The following ACOT13 variants were observed in gnomAD, a reference collection of about 807,000 sequenced individuals.
ACOT13 encodes acyl-coenzyme A thioesterase 13.
Under a neutral mutation model 11.8 loss-of-function variants are expected in ACOT13, and 10 were observed. The ratio of observed to expected loss-of-function variants is 0.85; its 90% CI spans 0.53 to 1.44. The LOEUF (loss-of-function observed/expected upper bound fraction) is 1.44. ACOT13 is among the 40% of genes most tolerant of loss of function. The pLI, the probability that ACOT13 is intolerant of heterozygous loss-of-function variation, is 0.00. For synonymous variants in ACOT13, 53 were observed against 61.0 expected (o/e 0.87, Z 0.61); for missense variants, 172 against 174.1 (o/e 0.99, Z 0.07).
intron 1 of ACOT13, chr6:24,687,606 G>A: frequency 6.8e-7 from 1 of 1,464,216 alleles, no homozygotes; most frequent in Non-Finnish European, 9.0e-7. Flanking sequence ...ACACTGGAGA[G>A]AAGCAGTAAA....
intron 2 of ACOT13, among the ~76,000 whole-genome samples, chr6:24,700,425 C>CTTTTTTTTT (rs34173572): frequency 1.9e-5 from 2 of 105,140 alleles, no homozygotes; most frequent in African/African-American, 8.0e-5. Flanking sequence ...TAAGATCCAC[C>CTTTTTTTTT]TTTTTTTTTT....
intron 2 of ACOT13, 75 bp downstream of exon 2, chr6:24,698,142 A>G (rs181894670): frequency 1.6e-6 from 2 of 1,275,786 alleles, no homozygotes; most frequent in Admixed American, 3.2e-5. Context: ...ACACATTTAT[A>G]TTATTAGTAA....
chr6:24,677,377 G>A (rs1778472521), intron 1 of ACOT13, among the ~76,000 whole-genome samples: 1 of 152,220 alleles, frequency 6.6e-6, no homozygotes, highest in Admixed American at 6.5e-5. Context: ...TTAGCAGTGA[G>A]TATGCCATTC....
In ACOT13 at chr6:24,702,398, A is replaced by G. The variant is rs1472724974; in HGVS notation, c.*783A>G. On this transcript the variant is annotated 3_prime_UTR_variant, in exon 3 of 3. Transcript: ENST00000230048. Reference sequence around the variant, plus strand: ...AGTGCTGGGATTACAGGTGTGAGCCAATGTGCCCAGCCTGGGTTCTCTTTT... The same window carrying G: ...AGTGCTGGGATTACAGGTGTGAGCCGATGTGCCCAGCCTGGGTTCTCTTTT... 6.6e-6 allele frequency: 1 copy of G among 152,152 alleles called. No homozygotes were observed. Among genetic ancestry groups the G allele is most frequent in the African/African-American group, 2.4e-5 (1 of 41,430 alleles). 9.4% of individuals were successfully genotyped at this position (152,152 alleles called of 1,614,324 possible). A position where few individuals can be genotyped will look rare whatever the true frequency, so the allele number is the denominator to read the frequency against.
In ACOT13 at chr6:24,702,235, C is replaced by CAA. The variant is rs1457344217; in HGVS notation, c.*621_*622dup. 6.6e-6 allele frequency: 1 copy of CAA among 152,546 alleles called. No homozygotes were observed. Among genetic ancestry groups the CAA allele is most frequent in the Non-Finnish European group, 1.5e-5 (1 of 68,326 alleles). 9.4% of individuals were successfully genotyped at this position (152,546 alleles called of 1,614,324 possible). Reference sequence around the variant, plus strand: ...AAGTGATTCTCCTGCCTCAGCCTCCCAAGTAGCTGGGACTATAGGCATGTG... The same window carrying CAA: ...AAGTGATTCTCCTGCCTCAGCCTCCCAAAAGTAGCTGGGACTATAGGCATGTG... On this transcript the variant is annotated 3_prime_UTR_variant, in exon 3 of 3. Transcript: ENST00000230048.
At chr6:24,697,845 A>G in intron 1 of ACOT13, 38 bp from the exon 2 acceptor site, 1 of 1,501,654 alleles carries the variant, frequency 6.7e-7, no homozygotes. Flanking sequence ...TTCTAATTCT[A>G]CAGAATTAAT....
intron 1 of ACOT13, among the ~76,000 whole-genome samples, chr6:24,672,649 A>T (rs1281799192): frequency 6.6e-6 from 1 of 152,230 alleles, no homozygotes; most frequent in Non-Finnish European, 1.5e-5. Flanking sequence ...CAAAAAAAGA[A>T]AAGAAAACAA....
At chr6:24,670,075 C>G (rs891205283) in intron 1 of ACOT13, among the ~76,000 whole-genome samples, 10 of 152,164 alleles carry the variant, frequency 6.6e-5, no homozygotes, top group Non-Finnish European at 1.3e-4. Flanking sequence ...AGACTAGTAT[C>G]TAACAACAAG....
intron 2 of ACOT13, among the ~76,000 whole-genome samples, chr6:24,699,290 A>C (rs1778853164): frequency 6.6e-6 from 1 of 150,492 alleles, no homozygotes; most frequent in Non-Finnish European, 1.5e-5. Context: ...GCTCACTGCA[A>C]GCTCCGCCTC....
rs987658968 is a variant in ACOT13 at position 24,704,702 on chromosome 6, C to G, written c.*3087C>G. On this transcript the variant is annotated 3_prime_UTR_variant, in exon 3 of 3. Coordinates refer to ENST00000230048, the MANE Select transcript of ACOT13 (RefSeq NM_018473.4). Reference sequence around the variant, plus strand: ...AGGCCAGGTTGCTAACTGTTGAAAGCTGACAGTATGTTCTTGATTCCTGTT... The same window carrying G: ...AGGCCAGGTTGCTAACTGTTGAAAGGTGACAGTATGTTCTTGATTCCTGTT... 11 of 152,360 alleles carry G rather than the reference C, an allele frequency of 7.2e-5. No homozygotes were observed. The highest frequency in any genetic ancestry group is 2.4e-4 in the African/African-American group (10 of 41,600). The allele number at this position is 152,360 out of a possible 1,614,324, so 9.4% of individuals were successfully genotyped here. A position where few individuals can be genotyped will look rare whatever the true frequency, so the allele number is the denominator to read the frequency against.
At chr6:24,694,208 C>G (rs569944912) in intron 1 of ACOT13, among the ~76,000 whole-genome samples, 1 of 152,268 alleles carries the variant, frequency 6.6e-6, no homozygotes, top group Non-Finnish European at 1.5e-5. Context: ...CCTGCAGGAT[C>G]CTGGGACTGA....
intron 1 of ACOT13, among the ~76,000 whole-genome samples, chr6:24,693,726 C>T (rs949264224): frequency 2.9e-5 from 4 of 140,298 alleles, no homozygotes; most frequent in African/African-American, 1.0e-4. Flanking sequence ...CAACCTGAGT[C>T]TTTTTTTTTT....
chr6:24,695,494 A>G (rs1778778769), intron 1 of ACOT13, among the ~76,000 whole-genome samples: 1 of 152,156 alleles, frequency 6.6e-6, no homozygotes, highest in Non-Finnish European at 1.5e-5. Context: ...CCCTGGAAAT[A>G]TACATTTTTA....
chr6:24,671,477 G>T (rs536232509), intron 1 of ACOT13, among the ~76,000 whole-genome samples: 5 of 152,142 alleles, frequency 3.3e-5, no homozygotes, highest in African/African-American at 1.2e-4. Context: ...TGGGGGGATG[G>T]GGGAGGGATA....
chr6:24,667,362 G>C lies in ACOT13; in HGVS notation c.81+18G>C. ...TGGGAAAGGTATGGGAAAGGTAGGG[G>C]AGAAGCCGTGGCTTCTAATGAAGGA... On this transcript the variant is annotated intron_variant, in intron 1 of 2. Transcript: ENST00000230048. 6.2e-7 allele frequency: 1 copy of C among 1,612,448 alleles called. No individual in the cohort carries two copies. Among genetic ancestry groups the C allele is most frequent in the Non-Finnish European group, 8.5e-7 (1 of 1,178,766 alleles).
chr6:24,672,429 A>C (rs1036346618), intron 1 of ACOT13, among the ~76,000 whole-genome samples: 9 of 152,230 alleles, frequency 5.9e-5, no homozygotes, highest in African/African-American at 2.2e-4. Flanking sequence ...TCAGGAGGTC[A>C]GGAGATCAAG....
rs1230854719 is a variant in ACOT13, at chr6:24,702,749, G to A, written c.*1134G>A. 2.0e-5 allele frequency: 3 copies of A among 152,144 alleles called. No individual in the cohort carries two copies. The highest frequency in any genetic ancestry group is 7.2e-5 in the African/African-American group (3 of 41,424). 9.4% of individuals were successfully genotyped at this position (152,144 alleles called of 1,614,324 possible). ...AAAGTTTGAGGCTAAGCATGTTAGT[G>A]TTACAGGAAATGGTCCAATAGAGGG... On this transcript the variant is annotated 3_prime_UTR_variant, in exon 3 of 3. Coordinates refer to ENST00000230048, the MANE Select transcript of ACOT13 (RefSeq NM_018473.4).
intron 1 of ACOT13, among the ~76,000 whole-genome samples, chr6:24,680,284 A>T (rs998105210): frequency 1.3e-5 from 2 of 152,180 alleles, no homozygotes; most frequent in African/African-American, 4.8e-5. Flanking sequence ...CTCCCCCTTG[A>T]AGAGGATATC....
rs147023857 is a variant in ACOT13, at chr6:24,680,538, A to T, written c.81+13194A>T. ...TCTTTTCCAGGGTGCGTAACCACCCATGGACCTCTGCTTATCGGATTAGTT... is the reference window on the plus strand; with the variant it reads ...TCTTTTCCAGGGTGCGTAACCACCCTTGGACCTCTGCTTATCGGATTAGTT... On this transcript the variant is annotated intron_variant, in intron 1 of 2. Coordinates refer to ENST00000230048, the MANE Select transcript of ACOT13 (RefSeq NM_018473.4). Among the ~76,000 whole-genome samples, 727 of 152,258 alleles carry T rather than the reference A, an allele frequency of 4.8e-3. 2 individuals carry two copies. The highest frequency in any genetic ancestry group is 7.3e-3 in the Non-Finnish European group (496 of 68,020).
Sources: gnomAD v4.1 joint callset for allele counts (sites outside exome capture counted in the v4.1 genomes callset) on GRCh38, gnomAD v4.1.1 for gene constraint, MANE v1.5 for transcripts, NCBI Gene and HGNC (gene_info 2026-07-23, HGNC 2026-07-21) for gene names.